The following SNTG1 variants were observed in gnomAD, a reference collection of about 807,000 sequenced individuals.
SNTG1 encodes syntrophin gamma 1, also known as gamma-1-syntrophin.
Under a neutral mutation model 74.7 loss-of-function variants are expected in SNTG1, and 39 were observed. That is an observed-to-expected ratio of 0.52 (90% CI 0.40 to 0.68). The LOEUF (loss-of-function observed/expected upper bound fraction) is 0.68. SNTG1 is among the 30% of genes least tolerant of loss of function. The probability of loss-of-function intolerance (pLI) is 0.00; values close to 1 mark genes in which losing one functional copy is unlikely to be tolerated. For missense variants in SNTG1, 685 were observed against 609.5 expected, an observed-to-expected ratio of 1.12 and a Z score of -1.30; for synonymous variants, 254 against 217.1, an observed-to-expected ratio of 1.17 and a Z score of -1.49.
intron 2 of SNTG1, among the ~76,000 whole-genome samples, chr8:50,252,179 C>A (rs762191017): frequency 1.8e-4 from 28 of 151,944 alleles, no homozygotes; most frequent in Non-Finnish European, 3.4e-4. Flanking sequence ...AAAAACACAT[C>A]ATACTGAACT....
At chr8:50,310,108 G>A (rs1172966780) in intron 2 of SNTG1, among the ~76,000 whole-genome samples, 1 of 152,182 alleles carries the variant, frequency 6.6e-6, no homozygotes, top group Non-Finnish European at 1.5e-5. Flanking sequence ...TAAGCTTACA[G>A]TTTAAAATGA....
intron 9 of SNTG1, among the ~76,000 whole-genome samples, chr8:50,510,549 C>CT (rs1358834372): frequency 2.0e-5 from 3 of 152,104 alleles, no homozygotes; most frequent in East Asian, 3.9e-4. Flanking sequence ...TGGTCCTGGA[C>CT]TTTTTTTGGT....
chr8:50,569,638 A>G (rs896589905), intron 12 of SNTG1, among the ~76,000 whole-genome samples: 1 of 152,194 alleles, frequency 6.6e-6, no homozygotes. Flanking sequence ...ATAAAGACTA[A>G]CAGAAGGAAG....
At chr8:50,638,548 G>A (rs530896704) in intron 13 of SNTG1, among the ~76,000 whole-genome samples, 1 of 152,246 alleles carries the variant, frequency 6.6e-6, no homozygotes, top group East Asian at 1.9e-4. Context: ...AGAAGGCTGA[G>A]CAGGAGAAAA....
chr8:50,262,114 G>C (rs933351000), intron 2 of SNTG1, among the ~76,000 whole-genome samples: 1 of 151,976 alleles, frequency 6.6e-6, no homozygotes, highest in Admixed American at 6.6e-5. Context: ...AATAACACAT[G>C]GGTCAAAGAA....
At chr8:50,060,034 A>G (rs999896504) in intron 1 of SNTG1, among the ~76,000 whole-genome samples, 2 of 152,056 alleles carry the variant, frequency 1.3e-5, no homozygotes. Flanking sequence ...TGATACAGAT[A>G]TCATAGTGGG....
At chr8:50,784,296 T>G (rs966711963) in intron 18 of SNTG1, among the ~76,000 whole-genome samples, 1 of 152,178 alleles carries the variant, frequency 6.6e-6, no homozygotes, top group Admixed American at 6.5e-5. Flanking sequence ...AGTAGAATTA[T>G]CCAAGCTTTA....
At chr8:50,216,988 A>G (rs1016180517) in intron 2 of SNTG1, among the ~76,000 whole-genome samples, 3 of 151,774 alleles carry the variant, frequency 2.0e-5, no homozygotes, top group Non-Finnish European at 4.4e-5. Context: ...GAGAAAAGCA[A>G]TTCAAGGGTA....
intron 1 of SNTG1, among the ~76,000 whole-genome samples, chr8:50,150,340 C>T (rs1372476592): frequency 6.6e-6 from 1 of 152,166 alleles, no homozygotes; most frequent in Non-Finnish European, 1.5e-5. Flanking sequence ...CATCTGCAAA[C>T]AGGGACAATT....
intron 1 of SNTG1, among the ~76,000 whole-genome samples, chr8:50,160,764 T>C: frequency 6.6e-6 from 1 of 152,228 alleles, no homozygotes. Context: ...ATCAGCTTAT[T>C]TGATACTCAT....
At chr8:50,380,295 AG>A (rs1349612328) in intron 2 of SNTG1, among the ~76,000 whole-genome samples, 4 of 152,190 alleles carry the variant, frequency 2.6e-5, no homozygotes, top group African/African-American at 9.7e-5. Flanking sequence ...GTTTGGAGAG[AG>A]GACCAATTAA....
At chr8:50,376,901 T>C (rs1334973187) in intron 2 of SNTG1, among the ~76,000 whole-genome samples, 1 of 151,810 alleles carries the variant, frequency 6.6e-6, no homozygotes, top group Non-Finnish European at 1.5e-5. Context: ...CTTTACATGC[T>C]GCATTTAGAA....
intron 2 of SNTG1, among the ~76,000 whole-genome samples, chr8:50,314,220 C>A (rs1429038195): frequency 6.7e-6 from 1 of 149,106 alleles, no homozygotes. Context: ...TGAGTTGATT[C>A]TTTCATCTTT....
intron 2 of SNTG1, among the ~76,000 whole-genome samples, chr8:50,333,264 G>T (rs1308494606): frequency 1.3e-5 from 2 of 152,138 alleles, no homozygotes; most frequent in Non-Finnish European, 2.9e-5. Flanking sequence ...TACCTCACAG[G>T]TTTGCCATAG....
intron 1 of SNTG1, among the ~76,000 whole-genome samples, chr8:49,938,574 TTTC>T (rs1339911313): frequency 3.1e-5 from 1 of 32,346 alleles, no homozygotes; most frequent in African/African-American, 9.0e-5. Flanking sequence ...TTTCTTTTCT[TTTC>T]TTTTCTTTTC....
intron 18 of SNTG1, among the ~76,000 whole-genome samples, chr8:50,775,247 T>C (rs989607016): frequency 2.0e-4 from 30 of 151,570 alleles, no homozygotes; most frequent in Non-Finnish European, 3.7e-4. Context: ...AATTTTTAAA[T>C]TGAAAGGTAC....
intron 10 of SNTG1, among the ~76,000 whole-genome samples, chr8:50,533,732 C>T (rs1319888138): frequency 6.6e-6 from 1 of 151,990 alleles, no homozygotes. Flanking sequence ...TGAAGTGGGA[C>T]TTATTACATA....
At chr8:50,292,379 A>G (rs1307598279) in intron 2 of SNTG1, among the ~76,000 whole-genome samples, 1 of 152,150 alleles carries the variant, frequency 6.6e-6, no homozygotes, top group East Asian at 1.9e-4. Context: ...TATGTTAGAA[A>G]ATGGATGGTC....
At position 50,660,198 on chromosome 8, in the gene SNTG1, A is replaced by G. The variant is rs1335913067; in HGVS notation, c.1038+1535A>G. ...ATTAGGGGAAGAAAAGAAAGAAAGA[A>G]AAGAAAAGAAGGAAAAGAAAAGAAG... On this transcript the variant is annotated intron_variant, in intron 15 of 18. Coordinates refer to ENST00000642720, the MANE Select transcript of SNTG1 (RefSeq NM_018967.5). 3.3e-5 allele frequency among the ~76,000 whole-genome samples: 5 copies of G among 151,178 alleles called. 1 individual carries two copies. The East Asian group carries it at 9.7e-4, about 29-fold the overall frequency.
Sources: allele counts gnomAD v4.1 joint callset (sites outside exome capture counted in the v4.1 genomes callset), GRCh38; gene constraint gnomAD v4.1.1; transcripts MANE v1.5; gene names NCBI Gene and HGNC (gene_info 2026-07-23, HGNC 2026-07-21).